The following B3GLCT variants were observed in gnomAD, a reference collection of about 807,000 sequenced individuals.
The protein encoded by B3GLCT is beta 3-glucosyltransferase.
In B3GLCT, 65 loss-of-function variants were observed where a neutral mutation model predicts 63.4. That is an observed-to-expected ratio of 1.03 (90% CI 0.84 to 1.26). The LOEUF (loss-of-function observed/expected upper bound fraction) is 1.26, where lower values mean the gene tolerates loss of function less well. Ranked by LOEUF, B3GLCT falls within the 50% of genes most tolerant of loss-of-function variation. The probability of loss-of-function intolerance (pLI) is 0.00; values close to 1 mark genes in which losing one functional copy is unlikely to be tolerated. For synonymous variants in B3GLCT, 233 were observed against 219.2 expected, an observed-to-expected ratio of 1.06 and a Z score of -0.55; for missense variants, 577 against 604.8, an observed-to-expected ratio of 0.95 and a Z score of 0.48.
intron 7 of B3GLCT, among the ~76,000 whole-genome samples, chr13:31,264,277 T>C (rs1396681146): frequency 6.6e-6 from 1 of 151,982 alleles, no homozygotes; most frequent in East Asian, 1.9e-4. Flanking sequence ...AGCCAAGAGG[T>C]TAATCTTTTC....
chr13:31,321,111 C>T (rs1875309451), intron 13 of B3GLCT, among the ~76,000 whole-genome samples: 1 of 152,220 alleles, frequency 6.6e-6, no homozygotes, highest in Non-Finnish European at 1.5e-5. Context: ...AGCATAGGGA[C>T]TCATGTTTTT....
chr13:31,200,009 G>A lies in B3GLCT; in HGVS notation c.-76G>A, dbSNP rs956274313. 1.8e-5 allele frequency: 16 copies of A among 912,030 alleles called. No homozygotes were observed. Among genetic ancestry groups the A allele is most frequent in the Non-Finnish European group, 2.1e-5 (15 of 715,104 alleles). 56.5% of individuals were successfully genotyped at this position (912,030 alleles called of 1,614,324 possible). A position where few individuals can be genotyped will look rare whatever the true frequency, so the allele number is the denominator to read the frequency against. ...TCAGCCGCGGCGGCAGGGCGGCGGC[G>A]GCAGCGGCGCAGCTCCGCTCCCCGC... On this transcript the variant is annotated 5_prime_UTR_variant, in exon 1 of 15. Transcript: ENST00000343307.
At chr13:31,240,490 T>TA (rs1555247686) in intron 4 of B3GLCT, among the ~76,000 whole-genome samples, 1 of 151,340 alleles carries the variant, frequency 6.6e-6, no homozygotes, top group Non-Finnish European at 1.5e-5. Flanking sequence ...TTTTTTTTTT[T>TA]TATATTAAAA....
chr13:31,299,247 C>G (rs1266643900), intron 12 of B3GLCT, among the ~76,000 whole-genome samples: 1 of 152,150 alleles, frequency 6.6e-6, no homozygotes, highest in African/African-American at 2.4e-5. Context: ...TTTTAATTAC[C>G]TGTTCTATTC....
At chr13:31,233,202 C>T (rs750542912) in intron 4 of B3GLCT, among the ~76,000 whole-genome samples, 9 of 152,086 alleles carry the variant, frequency 5.9e-5, no homozygotes, top group Non-Finnish European at 1.2e-4. Flanking sequence ...GGCCAACCTC[C>T]CTCTTATTAA....
intron 1 of B3GLCT, among the ~76,000 whole-genome samples, chr13:31,201,969 G>C (rs1377973503): frequency 3.3e-5 from 5 of 152,182 alleles, no homozygotes; most frequent in Non-Finnish European, 7.3e-5. Context: ...ACGGGAGGCT[G>C]TATTCTTCGA....
In B3GLCT at chr13:31,254,892, C is replaced by T. The variant is rs187776553; in HGVS notation, c.460-6054C>T. On this transcript the variant is annotated intron_variant, in intron 6 of 14. Coordinates refer to ENST00000343307, the MANE Select transcript of B3GLCT (RefSeq NM_194318.4). ...CTCTACTAAAAATACAAAAAATTAG[C>T]TGGGCATAGTGGTGGGTGCCCATAA... is the stretch of plus-strand genomic sequence containing the variant. Among the ~76,000 whole-genome samples the T allele has an allele frequency of 1.2e-3, 181 of 152,154 alleles. 2 individuals carry two copies. Among genetic ancestry groups the T allele is most frequent in the African/African-American group, 4.2e-3 (175 of 41,496 alleles).
At chr13:31,218,091 C>G (rs1205305802) in intron 2 of B3GLCT, among the ~76,000 whole-genome samples, 1 of 150,960 alleles carries the variant, frequency 6.6e-6, no homozygotes, top group East Asian at 1.9e-4. Flanking sequence ...GTTTTGTTGT[C>G]TCTGATTTTT....
At chr13:31,322,137 G>A (rs1875357476) in intron 13 of B3GLCT, among the ~76,000 whole-genome samples, 1 of 152,244 alleles carries the variant, frequency 6.6e-6, no homozygotes, top group Non-Finnish European at 1.5e-5. Flanking sequence ...CATTTAGGTA[G>A]GAAGCTGTGC....
chr13:31,229,823 G>T (rs866102273), intron 4 of B3GLCT, among the ~76,000 whole-genome samples: 1,851 of 146,644 alleles, frequency 0.013, 15 homozygotes, highest in Non-Finnish European at 0.019. Context: ...TTTTTTTTGT[G>T]TGTGTGTATA....
intron 4 of B3GLCT, among the ~76,000 whole-genome samples, chr13:31,231,029 TC>T (rs1870354769): frequency 6.6e-6 from 1 of 152,096 alleles, no homozygotes; most frequent in Admixed American, 6.6e-5. Context: ...AATTTTTTTT[TC>T]TTTTTTTTGG....
At chr13:31,320,252 CAA>C (rs1386271906) in intron 13 of B3GLCT, among the ~76,000 whole-genome samples, 1 of 152,172 alleles carries the variant, frequency 6.6e-6, no homozygotes, top group Non-Finnish European at 1.5e-5. Flanking sequence ...ACATCTAAGA[CAA>C]AGAGATGATC....
rs767361165 is a variant in B3GLCT, at chr13:31,247,967, G to A, written c.459+1G>A. ...CCTCAGAAGATATGACCCCTCTAAG[G>A]TGAATATAACTTCAATACCAGTTCT... On this transcript the variant is annotated splice_donor_variant, in intron 6 of 14. Coordinates refer to ENST00000343307, the MANE Select transcript of B3GLCT (RefSeq NM_194318.4). LOFTEE classifies it high-confidence loss of function. 29 of 1,517,084 alleles carry A rather than the reference G, an allele frequency of 1.9e-5. No individual in the cohort carries two copies. Among genetic ancestry groups the A allele is most frequent in the Non-Finnish European group, 2.5e-5 (27 of 1,092,202 alleles). 94.0% of individuals were successfully genotyped at this position (1,517,084 alleles called of 1,614,324 possible).
chr13:31,296,878 A>G (rs1418155994), intron 12 of B3GLCT, among the ~76,000 whole-genome samples: 1 of 152,052 alleles, frequency 6.6e-6, no homozygotes, highest in Non-Finnish European at 1.5e-5. Context: ...AACTCTTTTC[A>G]TCTTGTAAAA....
chr13:31,253,590 C>A (rs1871549230), intron 6 of B3GLCT, among the ~76,000 whole-genome samples: 2 of 24,124 alleles, frequency 8.3e-5, no homozygotes, highest in East Asian at 5.4e-3. Context: ...AGTGAGACTC[C>A]ATCTCAAAAA....
chr13:31,290,944 G>A (rs1873624519), intron 12 of B3GLCT, among the ~76,000 whole-genome samples: 1 of 152,218 alleles, frequency 6.6e-6, no homozygotes, highest in South Asian at 2.1e-4. Flanking sequence ...CCATGCCTAT[G>A]TCCTGAATGG....
At chr13:31,259,543 T>C (rs530789406) in intron 6 of B3GLCT, among the ~76,000 whole-genome samples, 1 of 151,368 alleles carries the variant, frequency 6.6e-6, no homozygotes, top group Non-Finnish European at 1.5e-5. Flanking sequence ...CTTGGTTCTT[T>C]TTTTCCCCCC....
At chr13:31,216,038 A>T (rs1365347250) in intron 2 of B3GLCT, among the ~76,000 whole-genome samples, 2 of 152,336 alleles carry the variant, frequency 1.3e-5, no homozygotes, top group East Asian at 3.9e-4. Flanking sequence ...TTTAGCATGT[A>T]AAAAAGGAAA....
chr13:31,270,350 T>C (rs1231957302), intron 8 of B3GLCT, among the ~76,000 whole-genome samples: 1 of 152,178 alleles, frequency 6.6e-6, no homozygotes, highest in Non-Finnish European at 1.5e-5. Context: ...CAGCTGTCTT[T>C]AAATGGTAAT....
Sources: gnomAD v4.1 joint callset for allele counts (sites outside exome capture counted in the v4.1 genomes callset) on GRCh38, gnomAD v4.1.1 for gene constraint, MANE v1.5 for transcripts, NCBI Gene and HGNC (gene_info 2026-07-23, HGNC 2026-07-21) for gene names.